Variants in MGAT5 observed in about 807,000 individuals in gnomAD.
The protein encoded by MGAT5 is alpha-1,6-mannosylglycoprotein 6-beta-N-acetylglucosaminyltransferase A.
Under a neutral mutation model 94.3 loss-of-function variants are expected in MGAT5, and 30 were observed. The ratio of observed to expected loss-of-function variants is 0.32; its 90% CI spans 0.24 to 0.43. The LOEUF (loss-of-function observed/expected upper bound fraction) is 0.43. Among genes scored for constraint, MGAT5 ranks in the 20% least tolerant of loss-of-function variants. MGAT5 has a pLI of 1.00. For synonymous variants in MGAT5, 310 were observed against 322.9 expected (o/e 0.96, Z 0.43); for missense variants, 691 against 905.5 (o/e 0.76, Z 3.04).
intron 10 of MGAT5, among the ~76,000 whole-genome samples, chr2:134,380,565 G>T (rs76229677): frequency 6.6e-6 from 1 of 152,146 alleles, no homozygotes; most frequent in African/African-American, 2.4e-5. Flanking sequence ...GTGAGCTTCC[G>T]TTTCTTCATC....
intron 1 of MGAT5, among the ~76,000 whole-genome samples, chr2:134,121,373 C>T (rs1685580661): frequency 6.6e-6 from 1 of 152,238 alleles, no homozygotes; most frequent in African/African-American, 2.4e-5. Context: ...CCCAGGGACG[C>T]TCGCGCATAC....
intron 13 of MGAT5, among the ~76,000 whole-genome samples, chr2:134,425,626 CTTA>C (rs1029493534): frequency 6.6e-6 from 1 of 152,138 alleles, no homozygotes; most frequent in Admixed American, 6.5e-5. Context: ...AAGACCATTT[CTTA>C]TTGAATGATG....
At chr2:134,312,646 T>C (rs1280108791) in intron 2 of MGAT5, among the ~76,000 whole-genome samples, 1 of 152,118 alleles carries the variant, frequency 6.6e-6, no homozygotes, top group Non-Finnish European at 1.5e-5. Flanking sequence ...GCCGGGTACT[T>C]CATTCACTGT....
intron 1 of MGAT5, among the ~76,000 whole-genome samples, chr2:134,267,446 G>A (rs989393040): frequency 2.0e-5 from 3 of 152,208 alleles, no homozygotes; most frequent in Admixed American, 6.5e-5. Flanking sequence ...TTCAATAAGT[G>A]GAGGAGGTTA....
At position 134,438,009 on chromosome 2, in the gene MGAT5, C is replaced by T. The variant is rs1042383287; in HGVS notation, c.1870-3749C>T. On this transcript the variant is annotated intron_variant, in intron 14 of 15. Transcript: ENST00000281923. Reference sequence around the variant, plus strand: ...CTGCCTGGGTGACACAGCGAGACTCCGTCTCAAAAAAAAAAAAAAAAGATT... The same window carrying T: ...CTGCCTGGGTGACACAGCGAGACTCTGTCTCAAAAAAAAAAAAAAAAGATT... Among the ~76,000 whole-genome samples, 32 of 126,950 alleles carry T rather than the reference C, an allele frequency of 2.5e-4. No individual in the cohort carries two copies. In the East Asian group the frequency reaches 3.2e-3, roughly 13 times the overall value. The allele number at this position is 126,950 out of a possible 152,430, so 83.3% of individuals were successfully genotyped here.
chr2:134,330,588 G>A (rs985596395), intron 4 of MGAT5, among the ~76,000 whole-genome samples: 18 of 74,550 alleles, frequency 2.4e-4, no homozygotes, highest in Non-Finnish European at 4.7e-5. Context: ...TGTGTGTTAC[G>A]AAGCCCAACA....
chr2:134,384,051 T>C (rs1394822500), intron 10 of MGAT5, among the ~76,000 whole-genome samples: 1 of 152,074 alleles, frequency 6.6e-6, no homozygotes, highest in African/African-American at 2.4e-5. Flanking sequence ...ACATAAAAAT[T>C]TTATGTAATT....
intron 1 of MGAT5, among the ~76,000 whole-genome samples, chr2:134,167,193 C>T (rs186470926): frequency 5.1e-4 from 78 of 152,176 alleles, no homozygotes; most frequent in African/African-American, 1.6e-3. Flanking sequence ...CCATTAGGGG[C>T]GGGAGGGAAG....
At chr2:134,441,671 C>A in intron 14 of MGAT5, 87 bp from the exon 15 acceptor site, 1 of 1,474,144 alleles carries the variant, frequency 6.8e-7, no homozygotes, top group Non-Finnish European at 9.3e-7. Context: ...CCCAGTGTGC[C>A]GCCTCCATTG....
In MGAT5 at chr2:134,348,640, T is replaced by TCATCTG. The variant is rs201460926; in HGVS notation, c.1113-1164_1113-1159dup. Among the ~76,000 whole-genome samples, 467 of 152,330 alleles carry TCATCTG rather than the reference T, an allele frequency of 3.1e-3. 3 individuals are homozygous for TCATCTG. The highest frequency in any genetic ancestry group is 0.014 in the Middle Eastern group (4 of 294). ...GCCAGATTTTTAGAAGTCATTGCCA[T>TCATCTG]CATCTGATTCTAAAATGTGGGTTTC... On this transcript the variant is annotated intron_variant, in intron 8 of 15. Transcript: ENST00000281923.
chr2:134,330,553 T>C (rs1445474982), intron 4 of MGAT5, among the ~76,000 whole-genome samples: 2 of 71,724 alleles, frequency 2.8e-5, no homozygotes, highest in African/African-American at 2.3e-4. Context: ...TTAAATTGTG[T>C]AGTGTGTGTG....
At chr2:134,411,923 A>G (rs759191614) in intron 11 of MGAT5, among the ~76,000 whole-genome samples, 12 of 152,146 alleles carry the variant, frequency 7.9e-5, no homozygotes, top group Non-Finnish European at 1.6e-4. Context: ...GGGGGCTGAA[A>G]CAGAACAGGC....
Position 134,338,251 on chromosome 2 carries a change from G to A in MGAT5, c.646-8G>A. ...CTTCTATTCATTTTATTAAATTTCTGTTGCTAGGCGGAAATTCGTACAGAT... is the reference window on the plus strand; with the variant it reads ...CTTCTATTCATTTTATTAAATTTCTATTGCTAGGCGGAAATTCGTACAGAT... On this transcript the variant is annotated splice_region_variant and splice_polypyrimidine_tract_variant and intron_variant, in intron 5 of 15. Transcript: ENST00000281923. 1 of 1,572,366 alleles carries A rather than the reference G, an allele frequency of 6.4e-7. No homozygotes were observed. Among genetic ancestry groups the A allele is most frequent in the Non-Finnish European group, 8.6e-7 (1 of 1,159,794 alleles).
chr2:134,319,780 C>CT, intron 4 of MGAT5: 2 of 416,362 alleles, frequency 4.8e-6, no homozygotes, highest in Non-Finnish European at 9.7e-6. Context: ...CCCAGTGACA[C>CT]TTGAGTACAT....
chr2:134,254,552 T>C lies in MGAT5; in HGVS notation c.149T>C (p.Ile50Thr). Residue 50 changes from isoleucine (I) to threonine (T), a missense_variant, in exon 1 of 16, where the codon ATC becomes ACC. Physicochemically the swap from Ile to Thr is moderately conservative, Grantham distance 89 (BLOSUM62 -1). Coordinates refer to ENST00000281923, the MANE Select transcript of MGAT5 (RefSeq NM_002410.5). ...PESSSMLREQ[I>T]LDLSKRYIKA... Reference sequence around the variant, plus strand: ...AGCAGCTCCATGCTGCGCGAGCAGATCCTGGACCTCAGCAAAAGGTACATC... The same window carrying C: ...AGCAGCTCCATGCTGCGCGAGCAGACCCTGGACCTCAGCAAAAGGTACATC... 1 of 1,614,194 alleles carries C rather than the reference T, an allele frequency of 6.2e-7. No individual in the cohort carries two copies. Among genetic ancestry groups the C allele is most frequent in the East Asian group, 2.2e-5 (1 of 44,888 alleles).
intron 1 of MGAT5, among the ~76,000 whole-genome samples, chr2:134,225,250 C>T (rs959404667): frequency 6.6e-6 from 1 of 152,034 alleles, no homozygotes; most frequent in Admixed American, 6.6e-5. Context: ...CTCCTAGATC[C>T]TTTGTTCTCA....
intron 10 of MGAT5, among the ~76,000 whole-genome samples, chr2:134,387,325 TA>T (rs1243095670): frequency 0.048 from 2,143 of 44,700 alleles, 48 homozygotes; most frequent in Non-Finnish European, 0.061. Context: ...TATATATATA[TA>T]TATATATTTT....
intron 14 of MGAT5, among the ~76,000 whole-genome samples, chr2:134,440,174 G>A (rs1042931184): frequency 2.6e-5 from 4 of 152,124 alleles, no homozygotes; most frequent in Middle Eastern, 3.4e-3. Flanking sequence ...TGCCCCACTC[G>A]GAGCACTTAA....
chr2:134,255,295 A>G (rs1220967055), intron 1 of MGAT5, among the ~76,000 whole-genome samples: 1 of 152,100 alleles, frequency 6.6e-6, no homozygotes, highest in East Asian at 1.9e-4. Context: ...AAATACACAT[A>G]TGGGATGTAA....
Sources: allele counts gnomAD v4.1 joint callset (sites outside exome capture counted in the v4.1 genomes callset), GRCh38; gene constraint gnomAD v4.1.1; transcripts MANE v1.5; gene names NCBI Gene and HGNC (gene_info 2026-07-23, HGNC 2026-07-21).